Variants in ARMC8 observed in about 807,000 individuals in gnomAD.
The protein encoded by ARMC8 is armadillo repeat containing 8.
In ARMC8, 20 loss-of-function variants were observed where a neutral mutation model predicts 99.3. The observed-to-expected ratio is 0.20, with a 90% confidence interval of 0.14 to 0.29. The LOEUF (loss-of-function observed/expected upper bound fraction) is 0.29. ARMC8 is among the 10% of genes least tolerant of loss of function. The pLI is 1.00. For synonymous variants in ARMC8, 263 were observed against 278.3 expected, an observed-to-expected ratio of 0.95 and a Z score of 0.55; for missense variants, 569 against 809.5, an observed-to-expected ratio of 0.70 and a Z score of 3.60.
chr3:138,285,237 T>G (rs1369760201), intron 19 of ARMC8, among the ~76,000 whole-genome samples: 3 of 152,188 alleles, frequency 2.0e-5, no homozygotes, highest in Non-Finnish European at 4.4e-5. Context: ...CCTCATTCTT[T>G]AGACCTCACC....
intron 14 of ARMC8, among the ~76,000 whole-genome samples, chr3:138,265,341 T>A (rs766075937): frequency 3.9e-5 from 6 of 152,256 alleles, no homozygotes; most frequent in Non-Finnish European, 7.3e-5. Context: ...TGTTATCCCC[T>A]GATACACTAC....
chr3:138,294,088 A>G (rs6767873), intron 21 of ARMC8, among the ~76,000 whole-genome samples: 5,180 of 152,262 alleles, frequency 0.034, 306 homozygotes, highest in African/African-American at 0.12. Flanking sequence ...AATCAAACCT[A>G]GCCAACCTCT....
intron 15 of ARMC8, 57 bp downstream of exon 15, chr3:138,267,298 A>C: frequency 3.9e-6 from 4 of 1,035,376 alleles, no homozygotes; most frequent in Non-Finnish European, 5.5e-6. Flanking sequence ...GCTTACTCAA[A>C]TACTTTTTAT....
intron 12 of ARMC8, chr3:138,262,373 C>T: frequency 2.6e-6 from 2 of 761,518 alleles, no homozygotes; most frequent in Admixed American, 2.5e-5. Flanking sequence ...ATAAAAATTA[C>T]CATTCCTAAT....
At chr3:138,268,173 G>A (rs2048453653) in intron 15 of ARMC8, among the ~76,000 whole-genome samples, 1 of 152,112 alleles carries the variant, frequency 6.6e-6, no homozygotes, top group Non-Finnish European at 1.5e-5. Flanking sequence ...AACCCGGGAG[G>A]CAAAGGTTGC....
rs1456840327 is a variant in ARMC8, at chr3:138,201,477, T to TTTTTC, written c.46-8340_46-8339insTTTTC. Among the ~76,000 whole-genome samples the TTTTTC allele has an allele frequency of 3.9e-5, 4 of 101,926 alleles. 1 individual carries two copies. The highest frequency in any genetic ancestry group is 1.2e-4 in the African/African-American group (3 of 25,090). 66.9% of individuals were successfully genotyped at this position (101,926 alleles called of 152,430 possible). A position where few individuals can be genotyped will look rare whatever the true frequency, so the allele number is the denominator to read the frequency against. ...TTTTTTTTTTTTTTTTTTTTTTTTT[T>TTTTTC]CCTGAGACAGAGTCTTGCTCTGTCT... On this transcript the variant is annotated intron_variant, in intron 1 of 21. Coordinates refer to ENST00000469044, the MANE Select transcript of ARMC8 (RefSeq NM_001363941.2).
At chr3:138,256,011 T>C (rs987253026) in intron 12 of ARMC8, among the ~76,000 whole-genome samples, 1 of 152,184 alleles carries the variant, frequency 6.6e-6, no homozygotes, top group African/African-American at 2.4e-5. Flanking sequence ...AAAACAAAAC[T>C]GGCTTTTACT....
At chr3:138,281,216 G>GT (rs2049880340) in intron 18 of ARMC8, among the ~76,000 whole-genome samples, 1 of 151,936 alleles carries the variant, frequency 6.6e-6, no homozygotes, top group Non-Finnish European at 1.5e-5. Flanking sequence ...TTAATGGTGT[G>GT]GGTGTGTGTG....
At chr3:138,193,135 A>T (rs2043489168) in intron 1 of ARMC8, among the ~76,000 whole-genome samples, 1 of 151,536 alleles carries the variant, frequency 6.6e-6, no homozygotes, top group Non-Finnish European at 1.5e-5. Flanking sequence ...TGCCTGGCTA[A>T]TTTTTGTATT....
At chr3:138,259,927 T>G (rs1480253444) in intron 12 of ARMC8, among the ~76,000 whole-genome samples, 1 of 152,210 alleles carries the variant, frequency 6.6e-6, no homozygotes, top group Non-Finnish European at 1.5e-5. Context: ...GATACTTGTT[T>G]CAGTGTGTGG....
chr3:138,223,431 GA>G lies in ARMC8; in HGVS notation c.241del (p.Thr81LeufsTer39). 6.2e-7 allele frequency: 1 copy of G among 1,614,158 alleles called. No individual in the cohort carries two copies. Among genetic ancestry groups the G allele is most frequent in the Non-Finnish European group, 8.5e-7 (1 of 1,180,008 alleles). Reference protein sequence around the residue: ...LQQETSSTELKTECAVVLGSL... With the variant: ...LQQETSSTELXTECAVVLGSL... The stretch of plus-strand genomic sequence containing the variant: ...AGCAAGAAACCTCAAGCACAGAGCT[GA>G]AAACTGAATGTGCAGTGGTGTTGGG... On this transcript the variant is annotated frameshift_variant, in exon 4 of 22. Transcript: ENST00000469044. LOFTEE classifies it high-confidence loss of function.
intron 16 of ARMC8, among the ~76,000 whole-genome samples, chr3:138,271,521 C>G (rs948656044): frequency 2.0e-5 from 3 of 152,200 alleles, no homozygotes; most frequent in Non-Finnish European, 4.4e-5. Flanking sequence ...ATGTTGGAAA[C>G]TGAACTCATT....
chr3:138,267,341 T>A, intron 15 of ARMC8, 100 bp downstream of exon 15: 1 of 649,602 alleles, frequency 1.5e-6, no homozygotes, highest in Non-Finnish European at 2.5e-6. Flanking sequence ...GGGTTGGGTT[T>A]AAAAACTACT....
At chr3:138,240,330 G>A (rs1415769228) in intron 10 of ARMC8, among the ~76,000 whole-genome samples, 1 of 152,146 alleles carries the variant, frequency 6.6e-6, no homozygotes, top group African/African-American at 2.4e-5. Context: ...GCACAAAGAA[G>A]ACTAATATTT....
At chr3:138,263,245 T>C (rs759867269) in intron 12 of ARMC8, among the ~76,000 whole-genome samples, 20 of 152,256 alleles carry the variant, frequency 1.3e-4, no homozygotes, top group Non-Finnish European at 2.2e-4. Context: ...CTTCGTGCTA[T>C]AGTGAAAGAT....
chr3:138,264,107 G>T (rs747521703), intron 13 of ARMC8, 24 bp from the exon 14 acceptor site: 3 of 1,599,022 alleles, frequency 1.9e-6, no homozygotes, highest in Non-Finnish European at 2.6e-6. Context: ...TTCTTGTGAA[G>T]CTAATTTTGA....
rs1223359317 is a variant in ARMC8 at position 138,296,253 on chromosome 3, C to T, written c.*361C>T. The T allele has an allele frequency of 4.9e-5, 9 of 181,880 alleles. No homozygotes were observed. The highest frequency in any genetic ancestry group is 4.7e-5 in the African/African-American group (2 of 42,256). 11.3% of individuals were successfully genotyped at this position (181,880 alleles called of 1,614,324 possible). A position where few individuals can be genotyped will look rare whatever the true frequency, so the allele number is the denominator to read the frequency against. ...ACACAGGCATGCGTGTGTATGTGCA[C>T]GTACATGGGCCAGAATGAATGGATG... On this transcript the variant is annotated 3_prime_UTR_variant, in exon 22 of 22. Coordinates refer to ENST00000469044, the MANE Select transcript of ARMC8 (RefSeq NM_001363941.2).
intron 1 of ARMC8, chr3:138,187,827 TC>T: frequency 1.8e-6 from 1 of 562,638 alleles, no homozygotes; most frequent in Non-Finnish European, 3.2e-6. Flanking sequence ...CGGTGCGGGT[TC>T]CCAGGATGGC....
intron 8 of ARMC8, 47 bp downstream of exon 8, chr3:138,237,431 T>G: frequency 1.2e-6 from 2 of 1,610,658 alleles, no homozygotes; most frequent in Non-Finnish European, 1.7e-6. Context: ...ATTGATGAAC[T>G]TTTTAGATTT....
Sources: gnomAD v4.1 joint callset for allele counts (sites outside exome capture counted in the v4.1 genomes callset) on GRCh38, gnomAD v4.1.1 for gene constraint, MANE v1.5 for transcripts, NCBI Gene and HGNC (gene_info 2026-07-23, HGNC 2026-07-21) for gene names.